Variants in LTA4H observed in about 807,000 individuals in gnomAD.
LTA4H encodes leukotriene A4 hydrolase, also known as leukotriene A-4 hydrolase.
Under a neutral mutation model 89.8 loss-of-function variants are expected in LTA4H, and 59 were observed. The observed-to-expected ratio is 0.66, with a 90% CI of 0.53 to 0.82. The LOEUF is 0.82. Among genes scored for constraint, LTA4H ranks in the 40% least tolerant of loss-of-function variants. The pLI is 0.00. For synonymous variants in LTA4H, 227 were observed against 253.1 expected (o/e 0.90, Z 0.98); for missense variants, 617 against 727.0 (o/e 0.85, Z 1.74).
intron 1 of LTA4H, among the ~76,000 whole-genome samples, chr12:96,035,024 A>C (rs1032746563): frequency 3.3e-5 from 5 of 152,224 alleles, no homozygotes; most frequent in Non-Finnish European, 7.3e-5. Flanking sequence ...ATGACACCTA[A>C]GGGCTGGGTG....
chr12:96,002,962 G>C lies in LTA4H; in HGVS notation c.1716C>G (p.Phe572Leu). ...QGRMKFTRPLFKDLAAFDKSH... is the reference protein window; with the variant it reads ...QGRMKFTRPLLKDLAAFDKSH... ...GTACGGTCTGAGTGGGTTCTTACTT[G>C]AATAAGGGCCGGGTAAACTTCATTC... Residue 572 changes from phenylalanine to leucine, a missense_variant and splice_region_variant, in exon 18 of 19, where the codon TTC becomes TTG. This residue lies in a region of LTA4H where 290 missense variants were observed against 339.1 expected (regional missense o/e 0.86). Coordinates refer to ENST00000228740, the MANE Select transcript of LTA4H (RefSeq NM_000895.3). 2.5e-6 allele frequency: 4 copies of C among 1,592,050 alleles called. No individual in the cohort carries two copies. Among genetic ancestry groups the C allele is most frequent in the Non-Finnish European group, 3.4e-6 (4 of 1,167,406 alleles).
chr12:96,017,119 A>G lies in LTA4H; in HGVS notation c.877-5T>C. On this transcript the variant is annotated splice_polypyrimidine_tract_variant and splice_region_variant and intron_variant, in intron 9 of 18. Coordinates refer to ENST00000228740, the MANE Select transcript of LTA4H (RefSeq NM_000895.3). ...AGATATTTCATGTGCAATGACCTAA[A>G]GAAAACAGTGTGATTAATAGTAAGA... 1 of 1,595,230 alleles carries G rather than the reference A, an allele frequency of 6.3e-7. No homozygotes were observed. The highest frequency in any genetic ancestry group is 8.6e-7 in the Non-Finnish European group (1 of 1,162,930).
At chr12:96,019,001 G>A in intron 7 of LTA4H, 98 bp from the exon 8 acceptor site, 1 of 1,250,548 alleles carries the variant, frequency 8.0e-7, no homozygotes, top group Non-Finnish European at 1.1e-6. Context: ...ACAAGTTAAT[G>A]ATTTTTATGT....
chr12:96,028,740 G>A (rs1950539600), intron 2 of LTA4H, among the ~76,000 whole-genome samples: 1 of 152,100 alleles, frequency 6.6e-6, no homozygotes, highest in African/African-American at 2.4e-5. Flanking sequence ...AGCTGCCCAG[G>A]TTATCTTGAA....
At chr12:96,040,601 G>C (rs1212473301) in intron 1 of LTA4H, among the ~76,000 whole-genome samples, 1 of 152,076 alleles carries the variant, frequency 6.6e-6, no homozygotes, top group African/African-American at 2.4e-5. Context: ...TTGATGGCTA[G>C]AGCTCTGACT....
At chr12:96,001,365 C>T (rs1477754387) in intron 18 of LTA4H, among the ~76,000 whole-genome samples, 1 of 152,168 alleles carries the variant, frequency 6.6e-6, no homozygotes, top group Non-Finnish European at 1.5e-5. Context: ...CCAGAGACCT[C>T]CTTCTGTACC....
chr12:96,030,639 A>G (rs1950562079), intron 1 of LTA4H, among the ~76,000 whole-genome samples: 1 of 151,882 alleles, frequency 6.6e-6, no homozygotes, highest in Admixed American at 6.6e-5. Flanking sequence ...CTTTCTTTCC[A>G]CTACTAACCC....
At position 96,035,364 on chromosome 12, in the gene LTA4H, G is replaced by A. The variant is rs761943580; in HGVS notation, c.156C>T (p.Ser52=). 3.7e-6 allele frequency: 6 copies of A among 1,607,190 alleles called. No individual in the cohort carries two copies. The South Asian group carries it at 5.5e-5, about 15-fold the overall frequency. The stretch of plus-strand genomic sequence containing the variant: ...CTGGGCAGGCGCCCCACTGTACCAG[G>A]CTGCGCAGATTGTCCTCCTGAGACT... ...TVQSQEDNLR[S]LVLDTKDLTI... Residue 52 remains serine (S), a synonymous_variant, in exon 1 of 19, where the codon AGC becomes AGT. Transcript: ENST00000228740.
chr12:96,031,176 C>T (rs1445650084), intron 1 of LTA4H, among the ~76,000 whole-genome samples: 1 of 152,164 alleles, frequency 6.6e-6, no homozygotes, highest in Admixed American at 6.5e-5. Context: ...ATAATACTTA[C>T]TGTACTGCAT....
intron 3 of LTA4H, among the ~76,000 whole-genome samples, chr12:96,025,669 C>CA (rs921207463): frequency 1.3e-5 from 2 of 151,376 alleles, no homozygotes; most frequent in East Asian, 3.9e-4. Context: ...TACCTCTACA[C>CA]AAAAAAAATT....
intron 11 of LTA4H, 25 bp from the exon 12 acceptor site, chr12:96,015,024 GAAAC>G (rs1419308057): frequency 6.2e-7 from 1 of 1,601,346 alleles, no homozygotes; most frequent in Non-Finnish European, 8.5e-7. Context: ...ATAACATGGA[GAAAC>G]ATATAGAAAG....
At chr12:96,014,057 T>C in intron 12 of LTA4H, 1 of 427,570 alleles carries the variant, frequency 2.3e-6, no homozygotes, top group Non-Finnish European at 4.1e-6. Context: ...TGTAATTCAG[T>C]GGAAGGGAGA....
intron 6 of LTA4H, 67 bp downstream of exon 6, chr12:96,021,018 T>A: frequency 8.0e-7 from 1 of 1,253,000 alleles, no homozygotes; most frequent in Non-Finnish European, 1.1e-6. Flanking sequence ...CAATTAACCT[T>A]GAGAGAAGTT....
intron 1 of LTA4H, 87 bp downstream of exon 1, chr12:96,035,274 A>C: frequency 7.2e-7 from 1 of 1,385,898 alleles, no homozygotes. Flanking sequence ...CGGCGGGGTG[A>C]GCCGGAGATC....
At chr12:96,013,359 G>T (rs1027406490) in intron 13 of LTA4H, 101 bp from the exon 14 acceptor site, 1 of 655,938 alleles carries the variant, frequency 1.5e-6, no homozygotes, top group Admixed American at 2.7e-5. Context: ...TGTCTAATCT[G>T]CTATATCAAG....
upstream of LTA4H, among the ~76,000 whole-genome samples, chr12:96,037,692 C>CTTTT (rs1205832896): frequency 8.8e-5 from 10 of 114,172 alleles, no homozygotes; most frequent in East Asian, 2.6e-4. Context: ...ATTGAGAAAG[C>CTTTT]TTTTTTTTTT....
At chr12:96,032,052 C>A (rs890976014) in intron 1 of LTA4H, among the ~76,000 whole-genome samples, 6 of 152,252 alleles carry the variant, frequency 3.9e-5, no homozygotes, top group Admixed American at 3.3e-4. Context: ...GTCAGAATTA[C>A]CTATTGTTAA....
intron 3 of LTA4H, 21 bp downstream of exon 3, chr12:96,027,423 T>C: frequency 1.3e-6 from 2 of 1,552,404 alleles, no homozygotes; most frequent in Non-Finnish European, 1.7e-6. Flanking sequence ...GCATCAGAAA[T>C]CATTCTGGAA....
At chr12:96,013,311 A>G in intron 13 of LTA4H, 53 bp from the exon 14 acceptor site, 1 of 1,212,376 alleles carries the variant, frequency 8.2e-7, no homozygotes, top group Non-Finnish European at 1.2e-6. Context: ...TCCTGTCAAA[A>G]AAAAATTTAA....
Sources: gnomAD v4.1 joint callset for allele counts (sites outside exome capture counted in the v4.1 genomes callset) on GRCh38, gnomAD v4.1.1 for gene constraint, gnomAD v4.1.1 regional missense constraint, MANE v1.5 for transcripts, NCBI Gene and HGNC (gene_info 2026-07-23, HGNC 2026-07-21) for gene names.